Variants in FBP1 observed in about 807,000 individuals in gnomAD.
FBP1 encodes the protein fructose-bisphosphatase 1.
Under a neutral mutation model 29.9 loss-of-function variants are expected in FBP1, and 22 were observed. The observed-to-expected ratio is 0.74, with a 90% CI of 0.53 to 1.05. The LOEUF (loss-of-function observed/expected upper bound fraction) is 1.05, where lower values mean the gene tolerates loss of function less well. FBP1 is among the 50% of genes least tolerant of loss of function. The probability of loss-of-function intolerance (pLI) is 0.00; values close to 1 mark genes in which losing one functional copy is unlikely to be tolerated. For missense variants in FBP1, 345 were observed against 448.2 expected, an observed-to-expected ratio of 0.77 and a Z score of 2.08; for synonymous variants, 175 against 178.6, an observed-to-expected ratio of 0.98 and a Z score of 0.16.
intron 3 of FBP1, among the ~76,000 whole-genome samples, chr9:94,614,204 G>A (rs1341419298): frequency 7.2e-6 from 1 of 138,384 alleles, no homozygotes; most frequent in Non-Finnish European, 1.6e-5. Flanking sequence ...GGAGGAGGAG[G>A]GAGGGAGAAG....
intron 5 of FBP1, 150 bp downstream of exon 5, chr9:94,606,665 G>C (rs1296647557): frequency 1.3e-6 from 1 of 743,440 alleles, no homozygotes; most frequent in Non-Finnish European, 2.2e-6. Flanking sequence ...TCAACCAATA[G>C]ATTTCCACAC....
At chr9:94,605,843 A>G (rs1827691340) in intron 5 of FBP1, among the ~76,000 whole-genome samples, 1 of 152,188 alleles carries the variant, frequency 6.6e-6, no homozygotes. Flanking sequence ...TATGGGGCTG[A>G]GGCAGGCATT....
rs780129050 is a variant in FBP1 at position 94,610,107 on chromosome 9, A to G, written c.427-46T>C. On this transcript the variant is annotated intron_variant, in intron 3 of 6. Coordinates refer to ENST00000375326, the MANE Select transcript of FBP1 (RefSeq NM_000507.4). ...AAGAATGTTTTTGTTTTGTTTTGTGATTCTTTTTTACAGTTCAACCATTAA... is the reference window on the plus strand; with the variant it reads ...AAGAATGTTTTTGTTTTGTTTTGTGGTTCTTTTTTACAGTTCAACCATTAA... 7 of 1,591,824 alleles carry G rather than the reference A, an allele frequency of 4.4e-6. No individual in the cohort carries two copies. In the East Asian group the frequency reaches 1.4e-4, roughly 31 times the overall value.
intron 5 of FBP1, 41 bp downstream of exon 5, chr9:94,606,774 A>G: frequency 6.2e-7 from 1 of 1,600,242 alleles, no homozygotes; most frequent in South Asian, 1.1e-5. Flanking sequence ...CTGGTGCCAG[A>G]TGCCCAGAAC....
chr9:94,632,691 C>G (rs1828122031), intron 1 of FBP1, among the ~76,000 whole-genome samples: 1 of 152,044 alleles, frequency 6.6e-6, no homozygotes, highest in South Asian at 2.1e-4. Context: ...AGAAATATAG[C>G]CTTCAGGAAA....
chr9:94,638,093 A>AAAAAAAAAAG (rs1828221286), intron 1 of FBP1, among the ~76,000 whole-genome samples: 1 of 134,642 alleles, frequency 7.4e-6, no homozygotes, highest in African/African-American at 2.5e-5. Flanking sequence ...TCTCAAAAAA[A>AAAAAAAAAAG]AAAAAAAAAA....
At chr9:94,634,994 C>T (rs1828169779) in intron 1 of FBP1, among the ~76,000 whole-genome samples, 1 of 144,164 alleles carries the variant, frequency 6.9e-6, no homozygotes, top group African/African-American at 2.6e-5. Context: ...GAAATTGAGG[C>T]AGGAGAATCA....
chr9:94,609,815 T>C, intron 4 of FBP1, 106 bp downstream of exon 4: 3 of 1,254,090 alleles, frequency 2.4e-6, no homozygotes, highest in South Asian at 2.4e-5. Flanking sequence ...TGTCCCTCCA[T>C]GGGCATCACC....
chr9:94,634,324 A>C (rs1287311241), intron 1 of FBP1, among the ~76,000 whole-genome samples: 1 of 151,964 alleles, frequency 6.6e-6, no homozygotes, highest in African/African-American at 2.4e-5. Context: ...AAAAGAAAGC[A>C]TCTTTCAAAA....
intron 1 of FBP1, among the ~76,000 whole-genome samples, chr9:94,637,798 C>T (rs1828214037): frequency 6.6e-6 from 1 of 151,946 alleles, no homozygotes; most frequent in East Asian, 1.9e-4. Context: ...GATCAGTTAG[C>T]TAGAAAATAC....
chr9:94,607,706 C>A (rs1314749458), intron 4 of FBP1, among the ~76,000 whole-genome samples: 2 of 152,036 alleles, frequency 1.3e-5, no homozygotes, highest in Non-Finnish European at 2.9e-5. Context: ...GTGTTTTTGG[C>A]AAGAGGGTGA....
At chr9:94,622,558 CTA>C (rs1252058710) in intron 1 of FBP1, among the ~76,000 whole-genome samples, 1 of 152,246 alleles carries the variant, frequency 6.6e-6, no homozygotes, top group Admixed American at 6.5e-5. Context: ...TCCGGCCTGA[CTA>C]TCTCAGGAGC....
intron 4 of FBP1, 123 bp from the exon 5 acceptor site, chr9:94,607,075 T>C: frequency 7.5e-7 from 1 of 1,332,826 alleles, no homozygotes; most frequent in South Asian, 1.2e-5. Context: ...GCACCACTCA[T>C]CTTGGGGCCC....
intron 1 of FBP1, among the ~76,000 whole-genome samples, chr9:94,636,650 G>C (rs1482167051): frequency 2.6e-5 from 4 of 151,886 alleles, no homozygotes; most frequent in African/African-American, 9.7e-5. Flanking sequence ...GGTGTGAAAG[G>C]TACTGACACA....
chr9:94,620,245 T>C, intron 2 of FBP1, 84 bp downstream of exon 2: 2 of 1,449,680 alleles, frequency 1.4e-6, no homozygotes, highest in East Asian at 2.3e-5. Flanking sequence ...GAAACCCAGC[T>C]CAGCTGAACA....
At chr9:94,619,927 C>T (rs1421387386) in intron 2 of FBP1, among the ~76,000 whole-genome samples, 1 of 145,264 alleles carries the variant, frequency 6.9e-6, no homozygotes, top group Admixed American at 6.9e-5. Flanking sequence ...CCAATAGGGA[C>T]TCCAATGCGT....
intron 2 of FBP1, 60 bp downstream of exon 2, chr9:94,620,269 A>T (rs746724166): frequency 2.5e-6 from 4 of 1,572,822 alleles, no homozygotes; most frequent in Non-Finnish European, 2.6e-6. Flanking sequence ...GGAGTCAATT[A>T]TGAAGCTGGG....
At chr9:94,635,347 T>C (rs1286505996) in intron 1 of FBP1, among the ~76,000 whole-genome samples, 1 of 152,190 alleles carries the variant, frequency 6.6e-6, no homozygotes, top group Non-Finnish European at 1.5e-5. Context: ...TCCATGAACA[T>C]TTTAACAGGA....
chr9:94,607,829 CTACCCATATGGAA>C (rs1319528446), intron 4 of FBP1, among the ~76,000 whole-genome samples: 1 of 152,010 alleles, frequency 6.6e-6, no homozygotes, highest in African/African-American at 2.4e-5. Context: ...AAATTGGTTC[CTACCCATATGGAA>C]TACGTTGAAA....
Sources: gnomAD v4.1 joint callset for allele counts (sites outside exome capture counted in the v4.1 genomes callset) on GRCh38, gnomAD v4.1.1 for gene constraint, MANE v1.5 for transcripts, NCBI Gene and HGNC (gene_info 2026-07-23, HGNC 2026-07-21) for gene names.